EXOC4: variants seen among roughly 807,000 people sequenced by gnomAD.
EXOC4 encodes exocyst complex component 4.
EXOC4 carries 71 observed loss-of-function variants against 107.2 expected under a neutral mutation model. The ratio of observed to expected loss-of-function variants is 0.66; its 90% CI spans 0.55 to 0.81. EXOC4 has a LOEUF of 0.81. Ranked by LOEUF, EXOC4 falls within the 30% of genes least tolerant of loss-of-function variation. The pLI is 0.00. For synonymous variants in EXOC4, 456 were observed against 441.2 expected, an observed-to-expected ratio of 1.03 and a Z score of -0.42; for missense variants, 1,108 against 1,189.6, an observed-to-expected ratio of 0.93 and a Z score of 1.01.
intron 7 of EXOC4, among the ~76,000 whole-genome samples, chr7:133,413,679 G>A (rs953201646): frequency 3.3e-5 from 5 of 152,088 alleles, no homozygotes; most frequent in Admixed American, 1.3e-4. Context: ...AAGAATCTTC[G>A]AAGGGTTTTA....
intron 9 of EXOC4, among the ~76,000 whole-genome samples, chr7:133,617,783 A>G (rs1295636410): frequency 6.6e-6 from 1 of 152,200 alleles, no homozygotes; most frequent in Admixed American, 6.5e-5. Context: ...TCTTAACTAG[A>G]TATCTTGTCA....
chr7:133,272,704 G>A lies in EXOC4; in HGVS notation c.87-2278G>A, dbSNP rs368319723. Among the ~76,000 whole-genome samples the A allele has an allele frequency of 2.0e-5, 3 of 152,204 alleles. No homozygotes were observed. The East Asian group carries it at 5.8e-4, about 29-fold the overall frequency. On this transcript the variant is annotated intron_variant, in intron 1 of 17. Coordinates refer to ENST00000253861, the MANE Select transcript of EXOC4 (RefSeq NM_021807.4). ...CAAGAGGATACATTTTAAATATGGG[G>A]CAAAGCTGGCACAGGGTATTTCTTA...
chr7:133,739,222 TTGTGTGTGTGTGTGTGTG>T (rs72444310), intron 10 of EXOC4, among the ~76,000 whole-genome samples: 1 of 142,410 alleles, frequency 7.0e-6, no homozygotes, highest in African/African-American at 2.6e-5. Flanking sequence ...GTAGAGGGGT[TTGTGTGTGTGTGTGTGTG>T]TGTGTGTGTG....
At chr7:133,928,363 G>A (rs1446113660) in intron 13 of EXOC4, among the ~76,000 whole-genome samples, 1 of 152,136 alleles carries the variant, frequency 6.6e-6, no homozygotes, top group South Asian at 2.1e-4. Context: ...TAGCACTGCC[G>A]AAAGCCCGTG....
chr7:133,392,495 G>C (rs892936141), intron 7 of EXOC4, among the ~76,000 whole-genome samples: 1 of 152,132 alleles, frequency 6.6e-6, no homozygotes, highest in Admixed American at 6.5e-5. Context: ...GTCTTCTTCA[G>C]ATATATCTAG....
At chr7:133,947,010 A>C (rs1006408312) in intron 14 of EXOC4, among the ~76,000 whole-genome samples, 1 of 152,224 alleles carries the variant, frequency 6.6e-6, no homozygotes, top group Non-Finnish European at 1.5e-5. Flanking sequence ...CATATAGCAC[A>C]TATTTGACTT....
intron 10 of EXOC4, among the ~76,000 whole-genome samples, chr7:133,685,790 T>A (rs956087161): frequency 6.6e-6 from 1 of 152,164 alleles, no homozygotes; most frequent in Non-Finnish European, 1.5e-5. Flanking sequence ...CATAGACATA[T>A]TGCGTAGTGG....
chr7:134,014,083 A>G (rs1230950095), intron 17 of EXOC4, among the ~76,000 whole-genome samples: 1 of 152,252 alleles, frequency 6.6e-6, no homozygotes, highest in Non-Finnish European at 1.5e-5. Flanking sequence ...ACAAATGTTC[A>G]TAGCAAGCAT....
chr7:133,755,778 C>G (rs1048012639), intron 10 of EXOC4, among the ~76,000 whole-genome samples: 6 of 152,166 alleles, frequency 3.9e-5, no homozygotes, highest in Admixed American at 2.6e-4. Context: ...ATGTGCTCAA[C>G]CACCCTGAGC....
At chr7:134,019,200 G>A (rs575755144) in intron 17 of EXOC4, among the ~76,000 whole-genome samples, 155 of 152,294 alleles carry the variant, frequency 1.0e-3, no homozygotes, top group Non-Finnish European at 1.7e-3. Flanking sequence ...AAAGTGCTGG[G>A]ATTACAGGCA....
chr7:133,884,258 G>A (rs1307982832), intron 11 of EXOC4, among the ~76,000 whole-genome samples: 2 of 152,162 alleles, frequency 1.3e-5, no homozygotes, highest in Non-Finnish European at 2.9e-5. Context: ...GAGTCCAGTG[G>A]GGGCGGGCTG....
chr7:133,798,915 T>C (rs1307043952), intron 10 of EXOC4, among the ~76,000 whole-genome samples: 5 of 152,204 alleles, frequency 3.3e-5, no homozygotes, highest in African/African-American at 1.2e-4. Context: ...AACACATCAT[T>C]GTGTTCCTTG....
intron 10 of EXOC4, among the ~76,000 whole-genome samples, chr7:133,691,471 A>G (rs577149302): frequency 6.6e-6 from 1 of 152,356 alleles, no homozygotes; most frequent in African/African-American, 2.4e-5. Context: ...AATGAAGTAA[A>G]TGCAGTACAA....
intron 7 of EXOC4, among the ~76,000 whole-genome samples, chr7:133,425,504 C>T (rs1402790095): frequency 6.6e-6 from 1 of 152,046 alleles, no homozygotes; most frequent in East Asian, 1.9e-4. Context: ...CCAGGCTGGT[C>T]TCGAACTCCT....
intron 10 of EXOC4, among the ~76,000 whole-genome samples, chr7:133,632,647 C>T (rs901933309): frequency 4.6e-5 from 7 of 152,028 alleles, no homozygotes; most frequent in Non-Finnish European, 7.4e-5. Flanking sequence ...TTCATTATCA[C>T]GCTTGTGTAT....
intron 17 of EXOC4, among the ~76,000 whole-genome samples, chr7:134,063,697 C>G (rs577397461): frequency 6.6e-6 from 1 of 152,292 alleles, no homozygotes; most frequent in African/African-American, 2.4e-5. Flanking sequence ...TCCTTATATA[C>G]TACTATTAAT....
At chr7:133,278,044 A>G (rs911789966) in intron 2 of EXOC4, among the ~76,000 whole-genome samples, 2 of 152,300 alleles carry the variant, frequency 1.3e-5, no homozygotes, top group Admixed American at 6.5e-5. Context: ...TTTTCTGCCA[A>G]AAGAATAAGG....
chr7:134,004,884 C>A, intron 15 of EXOC4, 28 bp from the exon 16 acceptor site: 1 of 1,586,984 alleles, frequency 6.3e-7, no homozygotes. Context: ...TTATTATTAA[C>A]TGCTCTCCCT....
chr7:133,769,883 G>A (rs1182732080), intron 10 of EXOC4, among the ~76,000 whole-genome samples: 1 of 151,802 alleles, frequency 6.6e-6, no homozygotes, highest in Non-Finnish European at 1.5e-5. Context: ...CCTTTTTCCT[G>A]AATCAGAATC....
Sources: allele counts gnomAD v4.1 joint callset (sites outside exome capture counted in the v4.1 genomes callset), GRCh38; gene constraint gnomAD v4.1.1; transcripts MANE v1.5; gene names NCBI Gene and HGNC (gene_info 2026-07-23, HGNC 2026-07-21).